The following NKAIN2 variants were observed in gnomAD, a reference collection of about 807,000 sequenced individuals.
NKAIN2 encodes the protein sodium/potassium transporting ATPase interacting 2, also known as sodium/potassium-transporting ATPase subunit beta-1-interacting protein 2.
Under a neutral mutation model 32.6 loss-of-function variants are expected in NKAIN2, and 14 were observed. That is an observed-to-expected ratio of 0.43 (90% confidence interval 0.28 to 0.67). The LOEUF (loss-of-function observed/expected upper bound fraction) is 0.67. Ranked by LOEUF, NKAIN2 falls within the 30% of genes least tolerant of loss-of-function variation. The probability of loss-of-function intolerance (pLI) is 0.17; values close to 1 mark genes in which losing one functional copy is unlikely to be tolerated. For missense variants in NKAIN2, 198 were observed against 258.3 expected, an observed-to-expected ratio of 0.77 and a Z score of 1.60; for synonymous variants, 80 against 87.2, an observed-to-expected ratio of 0.92 and a Z score of 0.46.
At chr6:124,479,110 G>A (rs902515380) in intron 3 of NKAIN2, among the ~76,000 whole-genome samples, 3 of 151,966 alleles carry the variant, frequency 2.0e-5, no homozygotes, top group African/African-American at 7.3e-5. Flanking sequence ...AACTGCAAAG[G>A]TCATCAAAAG....
intron 1 of NKAIN2, among the ~76,000 whole-genome samples, chr6:123,841,614 G>T (rs750826052): frequency 5.9e-5 from 9 of 152,132 alleles, no homozygotes; most frequent in Non-Finnish European, 1.0e-4. Context: ...TCCCAGATAT[G>T]ACATTCTGGG....
intron 2 of NKAIN2, among the ~76,000 whole-genome samples, chr6:124,316,686 G>T (rs963866549): frequency 6.6e-6 from 1 of 152,146 alleles, no homozygotes; most frequent in African/African-American, 2.4e-5. Context: ...ACTTCTTAAT[G>T]CAATTGTGAT....
intron 1 of NKAIN2, among the ~76,000 whole-genome samples, chr6:123,888,498 A>T (rs1448416642): frequency 6.6e-6 from 1 of 152,148 alleles, no homozygotes; most frequent in Non-Finnish European, 1.5e-5. Context: ...AATAATGCTT[A>T]AGTTTGGTGT....
chr6:124,143,636 C>T (rs1582729473), intron 1 of NKAIN2, among the ~76,000 whole-genome samples: 1 of 152,152 alleles, frequency 6.6e-6, no homozygotes, highest in African/African-American at 2.4e-5. Flanking sequence ...AGGAACAAGG[C>T]AGATTGCCAC....
rs1004018044 is a variant in NKAIN2 at position 124,437,485 on chromosome 6, CCCTT to C, written c.273+82151_273+82154del. ...TCTTTCTTTTGCTCTTTTTTTACTT[CCCTT>C]CCTTCCTTCCTTTCTCACCTTCTGA... On this transcript the variant is annotated intron_variant, in intron 3 of 6. Transcript: ENST00000368417. Among the ~76,000 whole-genome samples, 4 of 151,956 alleles carry C rather than the reference CCCTT, an allele frequency of 2.6e-5. No homozygotes were observed. In the South Asian group the frequency reaches 6.2e-4, roughly 24 times the overall value.
At chr6:123,812,000 A>G (rs1373911001) in intron 1 of NKAIN2, among the ~76,000 whole-genome samples, 1 of 152,184 alleles carries the variant, frequency 6.6e-6, no homozygotes, top group Non-Finnish European at 1.5e-5. Flanking sequence ...TTCTGTGGAC[A>G]CTAGTTCAGC....
chr6:123,829,358 A>T (rs542760204), intron 1 of NKAIN2: 3 of 152,316 alleles, frequency 2.0e-5, no homozygotes, highest in East Asian at 3.9e-4. Context: ...TCAAAGGCTT[A>T]TCAAACTCTG....
At chr6:124,534,301 C>A (rs773725942) in intron 3 of NKAIN2, among the ~76,000 whole-genome samples, 3 of 152,042 alleles carry the variant, frequency 2.0e-5, no homozygotes, top group Non-Finnish European at 4.4e-5. Context: ...CAGGAGTGCA[C>A]CACCACAACC....
intron 4 of NKAIN2, among the ~76,000 whole-genome samples, chr6:124,712,954 T>G (rs1427922255): frequency 6.6e-6 from 1 of 152,180 alleles, no homozygotes; most frequent in Admixed American, 6.5e-5. Flanking sequence ...TCTTAAATTA[T>G]AGAGTTTTTT....
intron 3 of NKAIN2, among the ~76,000 whole-genome samples, chr6:124,361,451 A>C (rs1799284149): frequency 6.6e-6 from 1 of 152,038 alleles, no homozygotes; most frequent in Admixed American, 6.6e-5. Context: ...TAAAGGATAA[A>C]CCAAGGGATT....
chr6:123,984,635 G>GTTCATGAT (rs1249506113), intron 1 of NKAIN2, among the ~76,000 whole-genome samples: 1 of 152,076 alleles, frequency 6.6e-6, no homozygotes, highest in Non-Finnish European at 1.5e-5. Flanking sequence ...TCTGTATTAA[G>GTTCATGAT]TTCATGATAA....
chr6:124,666,970 C>T (rs997944952), intron 4 of NKAIN2, among the ~76,000 whole-genome samples: 2 of 152,036 alleles, frequency 1.3e-5, no homozygotes, highest in Non-Finnish European at 2.9e-5. Flanking sequence ...TTCCACTGCT[C>T]ATTGAGAATA....
At chr6:124,696,186 G>A (rs1014842634) in intron 4 of NKAIN2, among the ~76,000 whole-genome samples, 1 of 152,152 alleles carries the variant, frequency 6.6e-6, no homozygotes, top group Non-Finnish European at 1.5e-5. Flanking sequence ...TTGCTTTGGA[G>A]GAGAGGGGTT....
chr6:123,988,456 G>A (rs941316360), intron 1 of NKAIN2, among the ~76,000 whole-genome samples: 21 of 152,148 alleles, frequency 1.4e-4, no homozygotes, highest in African/African-American at 5.1e-4. Context: ...CAGATACGGT[G>A]AGTGCAGTAG....
At chr6:123,963,230 T>C (rs1777929945) in intron 1 of NKAIN2, among the ~76,000 whole-genome samples, 1 of 152,164 alleles carries the variant, frequency 6.6e-6, no homozygotes, top group African/African-American at 2.4e-5. Flanking sequence ...CATTGTTTTC[T>C]AGGCAATTTT....
At chr6:124,801,011 C>T (rs1010036469) in intron 5 of NKAIN2, among the ~76,000 whole-genome samples, 7 of 152,154 alleles carry the variant, frequency 4.6e-5, no homozygotes, top group African/African-American at 1.7e-4. Context: ...AGCACACAGT[C>T]ACACATCCAT....
chr6:124,080,149 GT>G (rs1783890797), intron 1 of NKAIN2, among the ~76,000 whole-genome samples: 1 of 152,086 alleles, frequency 6.6e-6, no homozygotes, highest in African/African-American at 2.4e-5. Flanking sequence ...TTCCAGGGTG[GT>G]TTCCTACACT....
chr6:124,664,271 T>C (rs1772654727), intron 4 of NKAIN2, among the ~76,000 whole-genome samples: 1 of 150,950 alleles, frequency 6.6e-6, no homozygotes, highest in Admixed American at 6.6e-5. Context: ...CAAGACTCTG[T>C]CTCAAAAAAA....
chr6:124,150,762 A>G (rs186712854), intron 1 of NKAIN2, among the ~76,000 whole-genome samples: 1 of 152,294 alleles, frequency 6.6e-6, no homozygotes, highest in East Asian at 1.9e-4. Context: ...CACACAGACA[A>G]ACTACACTCC....
Sources: gnomAD v4.1 joint callset for allele counts (sites outside exome capture counted in the v4.1 genomes callset) on GRCh38, gnomAD v4.1.1 for gene constraint, MANE v1.5 for transcripts, NCBI Gene and HGNC (gene_info 2026-07-23, HGNC 2026-07-21) for gene names.